Variants in SLC35F5 observed in about 807,000 individuals in gnomAD.
SLC35F5 encodes the protein HCV NS5A-transactivated protein 3.
A neutral mutation model predicts 68.6 loss-of-function variants in SLC35F5; 54 were observed. The ratio of observed to expected loss-of-function variants is 0.79; its 90% confidence interval spans 0.63 to 0.99. The LOEUF (loss-of-function observed/expected upper bound fraction) is 0.99, where lower values mean the gene tolerates loss of function less well. SLC35F5 is among the 50% of genes least tolerant of loss of function. SLC35F5 has a pLI of 0.00. For synonymous variants in SLC35F5, 211 were observed against 205.2 expected, an observed-to-expected ratio of 1.03 and a Z score of -0.24; for missense variants, 567 against 626.9, an observed-to-expected ratio of 0.90 and a Z score of 1.02.
intron 9 of SLC35F5, among the ~76,000 whole-genome samples, chr2:113,733,861 A>C (rs1687986949): frequency 6.6e-6 from 1 of 152,118 alleles, no homozygotes; most frequent in South Asian, 2.1e-4. Flanking sequence ...ATAACCAAGA[A>C]ACACTACTCT....
downstream of SLC35F5, among the ~76,000 whole-genome samples, chr2:113,703,156 ATC>A (rs1207689159): frequency 1.3e-5 from 2 of 150,438 alleles, no homozygotes; most frequent in Non-Finnish European, 1.5e-5. Flanking sequence ...AGTTTAATGA[ATC>A]TCTTTCTCTC....
chr2:113,724,684 C>T (rs1371776832), intron 12 of SLC35F5, among the ~76,000 whole-genome samples: 1 of 152,062 alleles, frequency 6.6e-6, no homozygotes, highest in Non-Finnish European at 1.5e-5. Context: ...TCATTTTATT[C>T]ACTTAGGTTT....
At chr2:113,724,108 GAAC>G (rs911168178) in intron 12 of SLC35F5, among the ~76,000 whole-genome samples, 56 of 152,322 alleles carry the variant, frequency 3.7e-4, no homozygotes, top group African/African-American at 1.2e-3. Context: ...AACAGAGGCT[GAAC>G]AACGAGTCCT....
intron 5 of SLC35F5, 44 bp downstream of exon 5, chr2:113,746,233 C>T (rs746229871): frequency 2.0e-6 from 3 of 1,511,410 alleles, no homozygotes; most frequent in Non-Finnish European, 1.8e-6. Context: ...CCTACCATGG[C>T]TCAACCCCAC....
rs374087525 is a variant in SLC35F5, at chr2:113,746,283, A to G, written c.474T>C (p.Ser158=). 1 of 1,612,898 alleles carries G rather than the reference A, an allele frequency of 6.2e-7. No homozygotes were observed. The highest frequency in any genetic ancestry group is 8.5e-7 in the Non-Finnish European group (1 of 1,179,436). ...AACTTDTTMN[S]SLSEPLYVPV... is the part of the protein sequence containing the mutation. Reference sequence around the variant, plus strand: ...CAAGAAAAGAAGCACTTACCAAAGAACTATTCATAGTTGTATCTGTTGTGC... The same window carrying G: ...CAAGAAAAGAAGCACTTACCAAAGAGCTATTCATAGTTGTATCTGTTGTGC... The change falls in exon 5 of 16, where the codon AGT becomes AGC. Residue 158 remains serine, a synonymous_variant. Transcript: ENST00000245680.
chr2:113,740,679 T>A (rs563997473), intron 7 of SLC35F5, among the ~76,000 whole-genome samples: 2 of 152,070 alleles, frequency 1.3e-5, no homozygotes, highest in Non-Finnish European at 2.9e-5. Flanking sequence ...CAGGCTGGAG[T>A]ACGGTGGCGC....
intron 13 of SLC35F5, chr2:113,721,429 T>C (rs1687431210): frequency 6.5e-6 from 1 of 154,198 alleles, no homozygotes; most frequent in Non-Finnish European, 1.5e-5. Flanking sequence ...CCCCGTTTTG[T>C]CTTTACCCTA....
chr2:113,705,741 A>G (rs1277709673), downstream of SLC35F5, among the ~76,000 whole-genome samples: 1 of 152,224 alleles, frequency 6.6e-6, no homozygotes, highest in Non-Finnish European at 1.5e-5. Flanking sequence ...TCTTTCAAGA[A>G]AAAAATTTAA....
rs1263622430 is a variant in SLC35F5, at chr2:113,733,018, C to A, written c.921-1370G>T. ...TTATGTAAAATTCTTTTTATAGCCT[C>A]AGAAATTGAATCTCTTAGTAAAATG... On this transcript the variant is annotated intron_variant, in intron 9 of 15. Transcript: ENST00000245680. Among the ~76,000 whole-genome samples the A allele has an allele frequency of 2.0e-5, 3 of 152,064 alleles. No individual in the cohort carries two copies. The East Asian group carries it at 5.8e-4, about 29-fold the overall frequency.
chr2:113,738,026 CAT>C (rs1315156775), intron 7 of SLC35F5, among the ~76,000 whole-genome samples: 2 of 152,074 alleles, frequency 1.3e-5, no homozygotes, highest in African/African-American at 4.8e-5. Context: ...TTAATATACA[CAT>C]GACATTGTCT....
chr2:113,714,265 AAAG>A lies in SLC35F5; in HGVS notation c.*950_*952del, dbSNP rs1283596384. The A allele has an allele frequency of 6.6e-6, 1 of 152,168 alleles. No individual in the cohort carries two copies. The highest frequency in any genetic ancestry group is 1.5e-5 in the Non-Finnish European group (1 of 67,976). 9.4% of individuals were successfully genotyped at this position (152,168 alleles called of 1,614,324 possible). A position where few individuals can be genotyped will look rare whatever the true frequency, so the allele number is the denominator to read the frequency against. ...TTATTCAGGAAAACTAAAATTATTT[AAAG>A]AAGAGACATCTAGTTCTAGAGTAAT... On this transcript the variant is annotated 3_prime_UTR_variant, in exon 16 of 16. Transcript: ENST00000245680.
At chr2:113,745,373 G>C (rs1458013420) in intron 5 of SLC35F5, among the ~76,000 whole-genome samples, 1 of 152,132 alleles carries the variant, frequency 6.6e-6, no homozygotes, top group Non-Finnish European at 1.5e-5. Context: ...AGGTCACCAA[G>C]CCAGTGCTTC....
intron 14 of SLC35F5, among the ~76,000 whole-genome samples, chr2:113,718,927 AAAAGAAAGGAAG>A (rs1687308840): frequency 2.2e-5 from 1 of 44,458 alleles, no homozygotes; most frequent in East Asian, 3.0e-4. Flanking sequence ...GAAAGAAAGA[AAAAGAAAGGAAG>A]AAAGGAAGGA....
At chr2:113,705,769 T>C (rs72833631), downstream of SLC35F5, among the ~76,000 whole-genome samples, 7 of 151,838 alleles carry the variant, frequency 4.6e-5, no homozygotes, top group Non-Finnish European at 7.4e-5. Flanking sequence ...TTTTTACTCT[T>C]TCCCAAAGCT....
Position 113,755,320 on chromosome 2 carries a change from A to C in SLC35F5, c.132-14T>G. 1 of 1,613,440 alleles carries C rather than the reference A, an allele frequency of 6.2e-7. No individual in the cohort carries two copies. Among genetic ancestry groups the C allele is most frequent in the Non-Finnish European group, 8.5e-7 (1 of 1,179,518 alleles). On this transcript the variant is annotated splice_polypyrimidine_tract_variant and intron_variant, in intron 2 of 15. Transcript: ENST00000245680. Reference sequence around the variant, plus strand: ...ACCATTTGCAGTCTGTTTTTTAGAAAATACAGATCACATTAGAGATGATTT... The same window carrying C: ...ACCATTTGCAGTCTGTTTTTTAGAACATACAGATCACATTAGAGATGATTT...
At chr2:113,720,572 T>C (rs1203543881) in intron 13 of SLC35F5, among the ~76,000 whole-genome samples, 5 of 152,148 alleles carry the variant, frequency 3.3e-5, no homozygotes, top group Admixed American at 2.6e-4. Flanking sequence ...GAAAGAATAG[T>C]CATTAAACTG....
intron 13 of SLC35F5, chr2:113,721,368 T>G (rs1198539454): frequency 2.6e-5 from 4 of 153,568 alleles, no homozygotes. Context: ...AACTGGGCAA[T>G]CAGTTAAAGT....
rs1010092900 is a variant in SLC35F5, at chr2:113,707,660, A to C, written c.*7558T>G. Among the ~76,000 whole-genome samples, 1 of 152,050 alleles carries C rather than the reference A, an allele frequency of 6.6e-6. No homozygotes were observed. The highest frequency in any genetic ancestry group is 2.4e-5 in the African/African-American group (1 of 41,390). On this transcript the variant is annotated 3_prime_UTR_variant, in exon 16 of 16. Transcript: ENST00000245680. ...CTGCAACCTCTGCCTCTTGGGTTCA[A>C]GCGATTCTCCTACCTCAGCCTCACA...
At chr2:113,750,309 CACTT>C (rs1392027198) in intron 4 of SLC35F5, 112 bp downstream of exon 4, 7 of 982,474 alleles carry the variant, frequency 7.1e-6, no homozygotes, top group Non-Finnish European at 9.9e-6. Context: ...CATCTTCACT[CACTT>C]AACTGAACAA....
Sources: gnomAD v4.1 joint callset for allele counts (sites outside exome capture counted in the v4.1 genomes callset) on GRCh38, gnomAD v4.1.1 for gene constraint, MANE v1.5 for transcripts, NCBI Gene and HGNC (gene_info 2026-07-23, HGNC 2026-07-21) for gene names.